NFIL3: variants seen among roughly 807,000 people sequenced by gnomAD.
The protein encoded by NFIL3 is nuclear factor, interleukin 3 regulated.
NFIL3 carries 5 observed loss-of-function variants against 10.0 expected under a neutral mutation model. The ratio of observed to expected loss-of-function variants is 0.50; its 90% CI spans 0.26 to 1.06. The LOEUF is 1.06. NFIL3 is among the 50% of genes least tolerant of loss of function. The pLI is 0.13. For synonymous variants in NFIL3, 202 were observed against 206.5 expected, an observed-to-expected ratio of 0.98 and a Z score of 0.19; for missense variants, 436 against 547.6, an observed-to-expected ratio of 0.80 and a Z score of 2.03.
intron 1 of NFIL3, among the ~76,000 whole-genome samples, chr9:91,421,675 A>G (rs1439088684): frequency 6.6e-6 from 1 of 152,100 alleles, no homozygotes; most frequent in Non-Finnish European, 1.5e-5. Context: ...CGGCCCCTAC[A>G]GGCCTGGGAC....
the NFIL3 span, among the ~76,000 whole-genome samples, chr9:91,477,868 G>A: frequency 1.5e-4 from 23 of 151,936 alleles, no homozygotes; most frequent in South Asian, 4.8e-3. Flanking sequence ...TGGGACACAT[G>A]TGCTGAATGT....
chr9:91,460,268 G>GTTTTTTTTTTTTTT, the NFIL3 span, among the ~76,000 whole-genome samples: 1 of 77,092 alleles, frequency 1.3e-5, no homozygotes. Context: ...GGAGGGCTTG[G>GTTTTTTTTTTTTTT]TTCTTTTTTT....
chr9:91,464,927 T>C, the NFIL3 span, among the ~76,000 whole-genome samples: 1 of 152,144 alleles, frequency 6.6e-6, no homozygotes, highest in African/African-American at 2.4e-5. Context: ...TTAAGCTGTA[T>C]TTTTCCTCTG....
At chr9:91,462,052 C>T in the NFIL3 span, among the ~76,000 whole-genome samples, 3 of 152,194 alleles carry the variant, frequency 2.0e-5, no homozygotes, top group Admixed American at 6.5e-5. Flanking sequence ...AGGTATTTGT[C>T]TTGCTGAGAA....
chr9:91,458,121 ATT>A, the NFIL3 span, among the ~76,000 whole-genome samples: 2 of 152,068 alleles, frequency 1.3e-5, no homozygotes, highest in Non-Finnish European at 2.9e-5. Context: ...AAAAAAATAC[ATT>A]TGTTAGTTTT....
At chr9:91,446,616 T>G in the NFIL3 span, among the ~76,000 whole-genome samples, 1 of 152,210 alleles carries the variant, frequency 6.6e-6, no homozygotes, top group Admixed American at 6.5e-5. Context: ...AACTCCTTCT[T>G]CCTTCACCCC....
the NFIL3 span, among the ~76,000 whole-genome samples, chr9:91,483,451 A>T: frequency 6.6e-6 from 1 of 152,146 alleles, no homozygotes; most frequent in Non-Finnish European, 1.5e-5. Context: ...AGGAAAAGTC[A>T]GGGTACCAGG....
chr9:91,471,999 A>C, the NFIL3 span, among the ~76,000 whole-genome samples: 1 of 152,160 alleles, frequency 6.6e-6, no homozygotes, highest in Non-Finnish European at 1.5e-5. Flanking sequence ...CTGGGTTGAA[A>C]ATTCTTTTCT....
At chr9:91,471,858 T>A in the NFIL3 span, among the ~76,000 whole-genome samples, 1 of 152,184 alleles carries the variant, frequency 6.6e-6, no homozygotes, top group South Asian at 2.1e-4. Flanking sequence ...TTCCTTTCCA[T>A]GTTTAGTGCT....
chr9:91,414,296 A>G (rs547640659), intron 1 of NFIL3, among the ~76,000 whole-genome samples: 1 of 152,310 alleles, frequency 6.6e-6, no homozygotes, highest in African/African-American at 2.4e-5. Context: ...CTCTGCCTAC[A>G]GGGTCCAAGC....
At chr9:91,424,757 G>GC (rs1251094284), upstream of NFIL3, among the ~76,000 whole-genome samples, 2 of 152,252 alleles carry the variant, frequency 1.3e-5, no homozygotes, top group Admixed American at 1.3e-4. Context: ...GCGCTCGGGT[G>GC]CCCCCGCTGG....
the NFIL3 span, among the ~76,000 whole-genome samples, chr9:91,447,049 C>T: frequency 6.6e-6 from 1 of 152,160 alleles, no homozygotes; most frequent in Non-Finnish European, 1.5e-5. Flanking sequence ...CTCCCGACCT[C>T]AGGTTATCTG....
the NFIL3 span, among the ~76,000 whole-genome samples, chr9:91,438,302 A>G: frequency 2.6e-5 from 4 of 152,228 alleles, no homozygotes; most frequent in East Asian, 1.9e-4. Flanking sequence ...GCCGTTTTTC[A>G]TATCTTCTTT....
At chr9:91,438,008 C>T in the NFIL3 span, among the ~76,000 whole-genome samples, 3 of 152,106 alleles carry the variant, frequency 2.0e-5, no homozygotes, top group East Asian at 5.8e-4. Flanking sequence ...GACTTTATTT[C>T]CTTTGGGTAT....
the NFIL3 span, among the ~76,000 whole-genome samples, chr9:91,472,407 T>C: frequency 6.6e-6 from 1 of 152,220 alleles, no homozygotes; most frequent in African/African-American, 2.4e-5. Context: ...TAATTTCTTT[T>C]TACTCTTTTT....
At chr9:91,452,962 G>A in the NFIL3 span, among the ~76,000 whole-genome samples, 4 of 152,130 alleles carry the variant, frequency 2.6e-5, no homozygotes, top group East Asian at 7.7e-4. Flanking sequence ...AACAAAAGCT[G>A]GAATTGTCAC....
the NFIL3 span, among the ~76,000 whole-genome samples, chr9:91,460,534 C>T: frequency 6.6e-6 from 1 of 152,000 alleles, no homozygotes; most frequent in Non-Finnish European, 1.5e-5. Context: ...ACCTCAGCCT[C>T]CCAAAGTGCT....
At chr9:91,449,534 C>T in the NFIL3 span, among the ~76,000 whole-genome samples, 1 of 151,996 alleles carries the variant, frequency 6.6e-6, no homozygotes. Flanking sequence ...TTGAGCCACC[C>T]TTGTATTCCT....
At chr9:91,414,830 A>C (rs557392620) in intron 1 of NFIL3, among the ~76,000 whole-genome samples, 1 of 152,336 alleles carries the variant, frequency 6.6e-6, no homozygotes, top group Admixed American at 6.5e-5. Flanking sequence ...TTTGTGCCCA[A>C]CTACACTGCG....
Sources: allele counts gnomAD v4.1 joint callset (sites outside exome capture counted in the v4.1 genomes callset), GRCh38; gene constraint gnomAD v4.1.1; transcripts MANE v1.5; gene names NCBI Gene and HGNC (gene_info 2026-07-23, HGNC 2026-07-21).